CEP170: variants seen among roughly 807,000 people sequenced by gnomAD.
CEP170 encodes the protein centrosomal protein 170.
A neutral mutation model predicts 151.9 loss-of-function variants in CEP170; 21 were observed. The observed-to-expected ratio is 0.14, with a 90% CI of 0.10 to 0.20. The LOEUF is 0.20. Among genes scored for constraint, CEP170 ranks in the 10% least tolerant of loss-of-function variants. CEP170 has a pLI of 1.00. For missense variants in CEP170, 964 were observed against 1,892.9 expected, an observed-to-expected ratio of 0.51 and a Z score of 9.11; for synonymous variants, 356 against 648.8, an observed-to-expected ratio of 0.55 and a Z score of 6.86.
rs139773341 is a variant in CEP170, at chr1:243,234,425, G to C, written c.-41-9104C>G. On this transcript the variant is annotated intron_variant, in intron 1 of 19. Coordinates refer to ENST00000366542, the MANE Select transcript of CEP170 (RefSeq NM_014812.3). ...TAAATCGTAGGAGAAAGATGATCTG[G>C]TTTTCTTAATAAAATCAATGAAAAT... 5.3e-5 allele frequency among the ~76,000 whole-genome samples: 8 copies of C among 152,236 alleles called. No individual in the cohort carries two copies. The East Asian group carries it at 1.4e-3, about 26-fold the overall frequency.
At chr1:243,136,624 G>C (rs1433341856) in intron 16 of CEP170, among the ~76,000 whole-genome samples, 2 of 152,194 alleles carry the variant, frequency 1.3e-5, no homozygotes, top group Non-Finnish European at 2.9e-5. Flanking sequence ...CAAGTAATGT[G>C]AATACAGAAA....
chr1:243,173,851 C>T (rs1270775837), intron 10 of CEP170, among the ~76,000 whole-genome samples: 1 of 151,882 alleles, frequency 6.6e-6, no homozygotes, highest in East Asian at 1.9e-4. Context: ...ATTTTTGTGA[C>T]ACTTGTTGAA....
At chr1:243,177,981 G>A (rs1239752500) in intron 10 of CEP170, among the ~76,000 whole-genome samples, 3 of 152,112 alleles carry the variant, frequency 2.0e-5, no homozygotes, top group East Asian at 3.9e-4. Context: ...ATCTGTGGAT[G>A]GATGGATGAA....
intron 3 of CEP170, among the ~76,000 whole-genome samples, chr1:243,219,661 C>T (rs1381500707): frequency 3.9e-5 from 6 of 152,206 alleles, no homozygotes; most frequent in Non-Finnish European, 7.3e-5. Context: ...GACATACAGA[C>T]TACCACTGTT....
At chr1:243,157,693 C>T (rs1394057721) in intron 13 of CEP170, among the ~76,000 whole-genome samples, 1 of 152,180 alleles carries the variant, frequency 6.6e-6, no homozygotes, top group Non-Finnish European at 1.5e-5. Context: ...CCTTTTATGT[C>T]TTTTCCTCCA....
intron 14 of CEP170, among the ~76,000 whole-genome samples, chr1:243,155,496 T>C (rs191596938): frequency 1.3e-5 from 2 of 152,094 alleles, no homozygotes; most frequent in Non-Finnish European, 2.9e-5. Context: ...TTAGGTAACA[T>C]ATGGTATACT....
intron 10 of CEP170, among the ~76,000 whole-genome samples, chr1:243,177,221 C>T (rs543828632): frequency 3.3e-5 from 5 of 152,246 alleles, no homozygotes; most frequent in African/African-American, 7.2e-5. Flanking sequence ...AGAAGAGAAG[C>T]GCCGTGGGGT....
chr1:243,150,892 T>C (rs567307572), intron 14 of CEP170, among the ~76,000 whole-genome samples: 2 of 152,322 alleles, frequency 1.3e-5, no homozygotes, highest in South Asian at 4.1e-4. Flanking sequence ...ACACATTTAA[T>C]TAACTCATCC....
chr1:243,130,425 C>T (rs547792366), intron 17 of CEP170, among the ~76,000 whole-genome samples: 1 of 151,998 alleles, frequency 6.6e-6, no homozygotes, highest in African/African-American at 2.4e-5. Flanking sequence ...AGATAATTAT[C>T]CTATCATTAC....
chr1:243,203,206 T>C (rs1446781612), intron 4 of CEP170, among the ~76,000 whole-genome samples: 1 of 152,156 alleles, frequency 6.6e-6, no homozygotes, highest in Admixed American at 6.6e-5. Flanking sequence ...TATTTTTAAC[T>C]TGCTAATCAA....
chr1:243,126,985 G>C (rs2053773256), intron 19 of CEP170, among the ~76,000 whole-genome samples: 2 of 152,100 alleles, frequency 1.3e-5, no homozygotes, highest in Admixed American at 6.6e-5. Context: ...TTGTAAGTCT[G>C]GTATTTGAAG....
At chr1:243,186,183 G>A in intron 9 of CEP170, 76 bp downstream of exon 9, 1 of 1,612,894 alleles carries the variant, frequency 6.2e-7, no homozygotes, top group Non-Finnish European at 8.5e-7. Context: ...CCCGCACTTT[G>A]AGTAAAAGAA....
chr1:243,187,926 T>C (rs569318902), intron 8 of CEP170, among the ~76,000 whole-genome samples: 1 of 152,258 alleles, frequency 6.6e-6, no homozygotes, highest in East Asian at 1.9e-4. Flanking sequence ...ATCAAAGTAA[T>C]AGTGATTAAT....
At position 243,222,775 on chromosome 1, in the gene CEP170, G is replaced by C. The variant is rs538702307; in HGVS notation, c.106-962C>G. Among the ~76,000 whole-genome samples, 39 of 152,262 alleles carry C rather than the reference G, an allele frequency of 2.6e-4. No homozygotes were observed. The South Asian group carries it at 6.8e-3, about 27-fold the overall frequency. The stretch of plus-strand genomic sequence containing the variant: ...CAAAAACTCATCTTAGTTTTTCAGA[G>C]ACCTGAGGTCACAAGGCAAATTACC... On this transcript the variant is annotated intron_variant, in intron 2 of 19. Coordinates refer to ENST00000366542, the MANE Select transcript of CEP170 (RefSeq NM_014812.3).
chr1:243,150,134 G>T (rs1237673473), intron 14 of CEP170, among the ~76,000 whole-genome samples: 1 of 152,108 alleles, frequency 6.6e-6, no homozygotes, highest in Non-Finnish European at 1.5e-5. Context: ...ATCAGGGAAC[G>T]AGACTGATAG....
At chr1:243,170,415 C>T (rs1400609368) in intron 11 of CEP170, among the ~76,000 whole-genome samples, 4 of 152,050 alleles carry the variant, frequency 2.6e-5, no homozygotes, top group East Asian at 3.9e-4. Context: ...AGATTTAATA[C>T]ATTAATAATG....
intron 3 of CEP170, among the ~76,000 whole-genome samples, chr1:243,215,442 T>C (rs1292100703): frequency 6.6e-6 from 1 of 152,134 alleles, no homozygotes; most frequent in Non-Finnish European, 1.5e-5. Flanking sequence ...AGAAAGAGAA[T>C]GCGTTCCTAG....
intron 3 of CEP170, among the ~76,000 whole-genome samples, chr1:243,218,925 T>C (rs1345232649): frequency 1.3e-5 from 2 of 152,208 alleles, no homozygotes; most frequent in Non-Finnish European, 2.9e-5. Context: ...CACTACACTG[T>C]GTCCTCCTAC....
chr1:243,236,830 C>T lies in CEP170; in HGVS notation c.-41-11509G>A, dbSNP rs553425012. On this transcript the variant is annotated intron_variant, in intron 1 of 19. Coordinates refer to ENST00000366542, the MANE Select transcript of CEP170 (RefSeq NM_014812.3). ...AGCAGTCTGGGTTAAGGGTCTGTTA[C>T]GATCCTGAAAGTCAAATGCTTTGAT... Among the ~76,000 whole-genome samples the T allele has an allele frequency of 1.7e-4, 26 of 152,284 alleles. No homozygotes were observed. In the South Asian group the frequency reaches 4.1e-3, roughly 24 times the overall value.
Sources: allele counts gnomAD v4.1 joint callset (sites outside exome capture counted in the v4.1 genomes callset), GRCh38; gene constraint gnomAD v4.1.1; transcripts MANE v1.5; gene names NCBI Gene and HGNC (gene_info 2026-07-23, HGNC 2026-07-21).